CTPS1: variants seen among roughly 807,000 people sequenced by gnomAD.
CTPS1 encodes the protein CTP synthase 1.
A neutral mutation model predicts 80.5 loss-of-function variants in CTPS1; 25 were observed. The ratio of observed to expected loss-of-function variants is 0.31; its 90% CI spans 0.23 to 0.43. The LOEUF (loss-of-function observed/expected upper bound fraction) is 0.43, where lower values mean the gene tolerates loss of function less well. CTPS1 is among the 20% of genes least tolerant of loss of function. CTPS1 has a pLI of 1.00. For missense variants in CTPS1, 442 were observed against 725.7 expected (o/e 0.61, Z 4.49); for synonymous variants, 267 against 252.5 (o/e 1.06, Z -0.54).
At chr1:40,992,498 G>T (rs115000966) in intron 7 of CTPS1, among the ~76,000 whole-genome samples, 1 of 152,058 alleles carries the variant, frequency 6.6e-6, no homozygotes, top group East Asian at 1.9e-4. Context: ...TTTTGTTACT[G>T]TACCTATGAT....
At chr1:40,981,661 G>T (rs1165902135) in intron 1 of CTPS1, among the ~76,000 whole-genome samples, 1 of 152,164 alleles carries the variant, frequency 6.6e-6, no homozygotes, top group Non-Finnish European at 1.5e-5. Flanking sequence ...ACACTCCCAG[G>T]ATTCTTGCGT....
chr1:41,002,315 C>A, intron 11 of CTPS1, 61 bp downstream of exon 11: 1 of 1,357,552 alleles, frequency 7.4e-7, no homozygotes, highest in Non-Finnish European at 1.1e-6. Flanking sequence ...AACGGTGCCA[C>A]GTGGGAGCCT....
At chr1:40,988,763 A>C (rs1642523545) in intron 5 of CTPS1, 53 bp downstream of exon 5, 5 of 1,191,220 alleles carry the variant, frequency 4.2e-6, no homozygotes, top group Non-Finnish European at 6.3e-6. Context: ...GGAGGGAGGA[A>C]AGGTAAACCG....
intron 5 of CTPS1, among the ~76,000 whole-genome samples, chr1:40,989,671 A>G (rs1395602235): frequency 1.3e-5 from 2 of 152,190 alleles, no homozygotes; most frequent in African/African-American, 2.4e-5. Context: ...CAGGGAACTG[A>G]GGCGCTACAA....
intron 9 of CTPS1, among the ~76,000 whole-genome samples, chr1:41,000,386 G>A (rs997548678): frequency 6.6e-6 from 1 of 151,878 alleles, no homozygotes; most frequent in Non-Finnish European, 1.5e-5. Context: ...GGGACTACAG[G>A]TGCATGCCAC....
chr1:40,992,819 G>A (rs1444138113), intron 7 of CTPS1, among the ~76,000 whole-genome samples: 1 of 150,588 alleles, frequency 6.6e-6, no homozygotes, highest in East Asian at 2.0e-4. Flanking sequence ...TCAGCTTCCC[G>A]AGTAGCTTGG....
At chr1:41,000,312 A>C (rs1246170520) in intron 9 of CTPS1, among the ~76,000 whole-genome samples, 1 of 152,048 alleles carries the variant, frequency 6.6e-6, no homozygotes, top group African/African-American at 2.4e-5. Flanking sequence ...GCATGATCCC[A>C]GTTCACTGCA....
chr1:41,008,601 G>C, intron 14 of CTPS1, 58 bp from the exon 15 acceptor site: 1 of 1,549,992 alleles, frequency 6.5e-7, no homozygotes, highest in South Asian at 1.1e-5. Flanking sequence ...GGATGTCTTT[G>C]TGAACGCATC....
intron 3 of CTPS1, 69 bp from the exon 4 acceptor site, chr1:40,987,303 G>A: frequency 8.8e-7 from 1 of 1,138,936 alleles, no homozygotes; most frequent in Non-Finnish European, 1.3e-6. Flanking sequence ...TGTTTTCACA[G>A]TAAGTGCATT....
chr1:40,980,350 G>C (rs1318931954), intron 1 of CTPS1: 1 of 152,134 alleles, frequency 6.6e-6, no homozygotes, highest in Non-Finnish European at 1.5e-5. Context: ...GTAGGACGAG[G>C]GGGCCTGCGA....
intron 12 of CTPS1, 111 bp from the exon 13 acceptor site, chr1:41,005,940 C>T (rs1192972572): frequency 2.3e-6 from 2 of 855,884 alleles, no homozygotes; most frequent in Non-Finnish European, 3.9e-6. Flanking sequence ...AGTTTTTGTT[C>T]TAATCACTGA....
chr1:40,998,570 T>G (rs1642821834), intron 9 of CTPS1, among the ~76,000 whole-genome samples: 1 of 152,124 alleles, frequency 6.6e-6, no homozygotes. Context: ...CTCCTAGGGT[T>G]GTTGTAAGAA....
At chr1:40,990,504 G>A (rs903536246) in intron 5 of CTPS1, among the ~76,000 whole-genome samples, 4 of 152,168 alleles carry the variant, frequency 2.6e-5, no homozygotes, top group African/African-American at 9.7e-5. Flanking sequence ...TCTAGTGGAG[G>A]CTGAGCATGG....
intron 5 of CTPS1, among the ~76,000 whole-genome samples, chr1:40,990,325 T>C (rs959219738): frequency 6.6e-6 from 1 of 152,170 alleles, no homozygotes; most frequent in African/African-American, 2.4e-5. Flanking sequence ...GTGCCTATCA[T>C]ATTGGATGAC....
At position 40,992,215 on chromosome 1, in the gene CTPS1, G is replaced by A. The variant is rs187629984; in HGVS notation, c.720+370G>A. ...TCACTCTCATCCTTCAGGTTCTAGC[G>A]AAGACATAGTGTTGTCTGAGAAGCT... is the stretch of plus-strand genomic sequence containing the variant. On this transcript the variant is annotated intron_variant, in intron 7 of 18. Coordinates refer to ENST00000650070, the MANE Select transcript of CTPS1 (RefSeq NM_001905.4). Among the ~76,000 whole-genome samples, 570 of 152,292 alleles carry A rather than the reference G, an allele frequency of 3.7e-3. 3 individuals are homozygous for A. The highest frequency in any genetic ancestry group is 0.013 in the African/African-American group (528 of 41,560).
chr1:41,007,392 TTC>T lies in CTPS1; in HGVS notation c.1297-51_1297-50del. 1 of 1,492,134 alleles carries T rather than the reference TTC, an allele frequency of 6.7e-7. No individual in the cohort carries two copies. The highest frequency in any genetic ancestry group is 9.3e-7 in the Non-Finnish European group (1 of 1,071,580). 92.4% of individuals were successfully genotyped at this position (1,492,134 alleles called of 1,614,324 possible). A position where few individuals can be genotyped will look rare whatever the true frequency, so the allele number is the denominator to read the frequency against. ...TTGCCACCCACTCAGCGAGGGAGGT[TTC>T]TCTCTAGCGGAAGCAGAGTTCTGTA... On this transcript the variant is annotated intron_variant, in intron 13 of 18. Coordinates refer to ENST00000650070, the MANE Select transcript of CTPS1 (RefSeq NM_001905.4). The surrounding 1 kb of genome is among the most constrained non-coding windows in gnomAD (Gnocchi z 4.4).
rs150868456 is a variant in CTPS1, at chr1:40,984,966, A to G, written c.312A>G (p.Gly104=). 1.5e-4 allele frequency: 242 copies of G among 1,584,144 alleles called. 2 individuals are homozygous for G. The African/African-American group carries it at 2.6e-3, about 17-fold the overall frequency. ...ATGTCATTAACAAGGAACGGAAAGG[A>G]GATTACTTGGGGAAAACTGTCCAAG... ...YQYVINKERK[G]DYLGKTVQVV... is the part of the protein sequence containing the mutation. Residue 104 remains glycine (G), a synonymous_variant, in exon 3 of 19, where the codon GGA becomes GGG. Transcript: ENST00000650070.
chr1:41,007,969 C>T lies in CTPS1; in HGVS notation c.1393+424C>T, dbSNP rs562213956. ...GATGCTGAAGGTTTAGGGTAGTTTT[C>T]GGAGGAAAATAGTTAAGAAAATGAC... On this transcript the variant is annotated intron_variant, in intron 14 of 18. Transcript: ENST00000650070. The surrounding 1 kb of genome is among the most constrained non-coding windows in gnomAD (Gnocchi z 4.4). Among the ~76,000 whole-genome samples the T allele has an allele frequency of 1.2e-4, 19 of 152,294 alleles. No individual in the cohort carries two copies. Among genetic ancestry groups the T allele is most frequent in the East Asian group, 5.8e-4 (3 of 5,190 alleles).
intron 7 of CTPS1, among the ~76,000 whole-genome samples, chr1:40,995,102 G>A (rs1212058219): frequency 2.0e-5 from 3 of 152,190 alleles, no homozygotes; most frequent in African/African-American, 7.2e-5. Flanking sequence ...CCTTTTATAA[G>A]CTCTGAATGA....
Sources: allele counts gnomAD v4.1 joint callset (sites outside exome capture counted in the v4.1 genomes callset), GRCh38; gene constraint gnomAD v4.1.1; non-coding constraint Gnocchi (gnomAD v3.1); transcripts MANE v1.5; gene names NCBI Gene and HGNC (gene_info 2026-07-23, HGNC 2026-07-21).